The following DIAPH2 variants were observed in gnomAD, a reference collection of about 807,000 sequenced individuals.
DIAPH2 encodes the protein diaphanous related formin 2, also known as protein diaphanous homolog 2.
In DIAPH2, 35 loss-of-function variants were observed where a neutral mutation model predicts 92.7. The ratio of observed to expected loss-of-function variants is 0.38; its 90% CI spans 0.29 to 0.50. DIAPH2 has a LOEUF of 0.50. DIAPH2 is among the 20% of genes least tolerant of loss of function. The pLI is 0.94. For missense variants in DIAPH2, 701 were observed against 819.5 expected, an observed-to-expected ratio of 0.86 and a Z score of 1.77; for synonymous variants, 301 against 280.4, an observed-to-expected ratio of 1.07 and a Z score of -0.73.
In DIAPH2 at chrX:97,354,993, T is replaced by C. The variant is rs149614389; in HGVS notation, c.3009+6713T>C. Among the ~76,000 whole-genome samples, 213 of 112,615 alleles carry C rather than the reference T, an allele frequency of 1.9e-3. 1 individual carries two copies. The highest frequency in any genetic ancestry group is 6.5e-3 in the African/African-American group (201 of 31,094). ...ATAGCTGGTGTGACATGGAGAGTTATAACCACTGAGTTCACTCTTACGTTA... is the reference window on the plus strand; with the variant it reads ...ATAGCTGGTGTGACATGGAGAGTTACAACCACTGAGTTCACTCTTACGTTA... On this transcript the variant is annotated intron_variant, in intron 24 of 26. Transcript: ENST00000324765.
At chrX:96,948,165 G>A (rs1051406894) in intron 14 of DIAPH2, among the ~76,000 whole-genome samples, 11 of 112,470 alleles carry the variant, frequency 9.8e-5, no homozygotes, top group African/African-American at 3.2e-4. Context: ...ATTAATATAC[G>A]TACATTTGAG....
At chrX:96,962,416 TAC>T (rs1435167997) in intron 16 of DIAPH2, among the ~76,000 whole-genome samples, 70 of 51,070 alleles carry the variant, frequency 1.4e-3, no homozygotes, top group African/African-American at 4.5e-3. Flanking sequence ...CATATATATA[TAC>T]ACATATATAT....
intron 23 of DIAPH2, 119 bp downstream of exon 23, chrX:97,247,958 G>C (rs1366879469): frequency 1.6e-6 from 1 of 644,591 alleles, no homozygotes; most frequent in Non-Finnish European, 2.2e-6. Flanking sequence ...ATGAATTTGT[G>C]TATATGCTGT....
At chrX:96,802,414 T>C (rs2064589639) in intron 4 of DIAPH2, among the ~76,000 whole-genome samples, 1 of 112,384 alleles carries the variant, frequency 8.9e-6, no homozygotes, top group Non-Finnish European at 1.9e-5. Context: ...TGGACTGTAG[T>C]TTGCCATACA....
chrX:96,712,376 T>A, intron 1 of DIAPH2, among the ~76,000 whole-genome samples: 1 of 110,991 alleles, frequency 9.0e-6, no homozygotes, highest in Non-Finnish European at 1.9e-5. Flanking sequence ...TTTATTTTTA[T>A]CAAAGTACCA....
At chrX:97,535,356 G>A (rs1226885431) in intron 26 of DIAPH2, among the ~76,000 whole-genome samples, 1 of 112,263 alleles carries the variant, frequency 8.9e-6, no homozygotes, top group Non-Finnish European at 1.9e-5. Context: ...AAAGATATGT[G>A]TATTGGGAAA....
At chrX:97,581,039 G>A (rs1161511370) in intron 26 of DIAPH2, among the ~76,000 whole-genome samples, 12 of 100,689 alleles carry the variant, frequency 1.2e-4, no homozygotes, top group African/African-American at 2.5e-4. Context: ...TTTTTATTGC[G>A]TCTATTTGAT....
intron 4 of DIAPH2, among the ~76,000 whole-genome samples, chrX:96,864,291 C>CTT (rs771042613): frequency 0.011 from 918 of 87,281 alleles, 6 homozygotes; most frequent in African/African-American, 0.024. Context: ...TTTTGAGGCA[C>CTT]TTTTTTTTTT....
chrX:96,876,675 T>C (rs1226446238), intron 4 of DIAPH2, among the ~76,000 whole-genome samples: 17 of 106,817 alleles, frequency 1.6e-4, no homozygotes, highest in Admixed American at 3.1e-4. Flanking sequence ...AAACCAAACA[T>C]CGCATGTTCT....
intron 23 of DIAPH2, among the ~76,000 whole-genome samples, chrX:97,261,416 G>A (rs1456941141): frequency 8.9e-6 from 1 of 111,759 alleles, no homozygotes; most frequent in African/African-American, 3.3e-5. Context: ...TGCTAATATT[G>A]ATCCAAAACT....
intron 4 of DIAPH2, among the ~76,000 whole-genome samples, chrX:96,841,765 T>G (rs996208756): frequency 2.7e-4 from 30 of 112,418 alleles, no homozygotes; most frequent in Non-Finnish European, 3.4e-4. Context: ...TGCGTGTCCC[T>G]GTGAAGAGAC....
chrX:96,809,859 A>G (rs948019812), intron 4 of DIAPH2, among the ~76,000 whole-genome samples: 3 of 112,037 alleles, frequency 2.7e-5, no homozygotes, highest in Admixed American at 1.9e-4. Context: ...ATCATTTTTT[A>G]TGGCTGCATA....
intron 3 of DIAPH2, among the ~76,000 whole-genome samples, chrX:96,751,652 G>GTTTTTTTTTTTTTTTTTTTTTTTTTTT (rs1219167141): frequency 1.7e-5 from 1 of 60,312 alleles, no homozygotes; most frequent in African/African-American, 6.4e-5. Flanking sequence ...TCAGTGTTTT[G>GTTTTTTTTTTTTTTTTTTTTTTTTTTT]TTTTTTTTTT....
chrX:96,831,417 T>G (rs2064853959), intron 4 of DIAPH2, among the ~76,000 whole-genome samples: 1 of 112,287 alleles, frequency 8.9e-6, no homozygotes, highest in South Asian at 3.7e-4. Context: ...TGGGTTCAAA[T>G]TTTGGCTCTG....
At chrX:97,097,496 C>T (rs73250783) in intron 19 of DIAPH2, among the ~76,000 whole-genome samples, 4 of 111,657 alleles carry the variant, frequency 3.6e-5, no homozygotes, top group Non-Finnish European at 7.5e-5. Flanking sequence ...CCCACTGTGG[C>T]GCCTTCATTC....
intron 26 of DIAPH2, among the ~76,000 whole-genome samples, chrX:97,567,064 C>T (rs1309360014): frequency 9.0e-6 from 1 of 111,611 alleles, no homozygotes; most frequent in Admixed American, 9.5e-5. Flanking sequence ...CCCTAAAACA[C>T]ATAATAACTA....
chrX:97,264,929 G>A (rs2068323204), intron 23 of DIAPH2, among the ~76,000 whole-genome samples: 2 of 111,341 alleles, frequency 1.8e-5, no homozygotes, highest in Non-Finnish European at 3.8e-5. Context: ...GTTGCAGTGA[G>A]CCAAGATCAC....
chrX:96,807,716 G>A (rs1274237539), intron 4 of DIAPH2, among the ~76,000 whole-genome samples: 1 of 108,208 alleles, frequency 9.2e-6, no homozygotes, highest in Non-Finnish European at 1.9e-5. Context: ...GAGGGTCTGA[G>A]CTAAGAAAAA....
chrX:96,739,809 C>T (rs779788643), intron 3 of DIAPH2, among the ~76,000 whole-genome samples: 19 of 111,692 alleles, frequency 1.7e-4, no homozygotes, highest in Non-Finnish European at 3.4e-4. Context: ...TTCTGTGGTG[C>T]ACCCTTTTTC....
Sources: gnomAD v4.1 joint callset for allele counts (sites outside exome capture counted in the v4.1 genomes callset) on GRCh38, gnomAD v4.1.1 for gene constraint, MANE v1.5 for transcripts, NCBI Gene and HGNC (gene_info 2026-07-23, HGNC 2026-07-21) for gene names.